The following IQGAP1 variants were observed in gnomAD, a reference collection of about 807,000 sequenced individuals.
IQGAP1 encodes IQ motif containing GTPase activating protein 1, also known as ras GTPase-activating-like protein IQGAP1.
Under a neutral mutation model 215.6 loss-of-function variants are expected in IQGAP1, and 66 were observed. The observed-to-expected ratio is 0.31, with a 90% CI of 0.25 to 0.38. IQGAP1 has a LOEUF of 0.38. Ranked by LOEUF, IQGAP1 falls within the 10% of genes least tolerant of loss-of-function variation. The probability of loss-of-function intolerance (pLI) is 1.00; values close to 1 mark genes in which losing one functional copy is unlikely to be tolerated. For synonymous variants in IQGAP1, 772 were observed against 728.7 expected, an observed-to-expected ratio of 1.06 and a Z score of -0.96; for missense variants, 1,712 against 1,997.1, an observed-to-expected ratio of 0.86 and a Z score of 2.72.
In IQGAP1 at chr15:90,472,831, C is replaced by A; in HGVS notation, c.2179-9C>A. The A allele has an allele frequency of 6.3e-7, 1 of 1,596,242 alleles. No homozygotes were observed. Among genetic ancestry groups the A allele is most frequent in the Non-Finnish European group, 8.6e-7 (1 of 1,169,252 alleles). On this transcript the variant is annotated splice_polypyrimidine_tract_variant and intron_variant, in intron 18 of 37. Coordinates refer to ENST00000268182, the MANE Select transcript of IQGAP1 (RefSeq NM_003870.4). ...TGAATGTCTTTGAATGTGACCACTG[C>A]TTTTTCAGAGTTCTATCTCTGGGGT...
chr15:90,427,549 G>A (rs2283441), intron 3 of IQGAP1, among the ~76,000 whole-genome samples: 30,144 of 151,954 alleles, frequency 0.2, 3,155 homozygotes, highest in African/African-American at 0.24. Context: ...AGACAAACCC[G>A]GCCAACTTGG....
At chr15:90,399,244 C>T (rs1214642694) in intron 2 of IQGAP1, among the ~76,000 whole-genome samples, 1 of 152,044 alleles carries the variant, frequency 6.6e-6, no homozygotes, top group South Asian at 2.1e-4. Flanking sequence ...AGCAGCCACA[C>T]CTGGCCTGTA....
intron 15 of IQGAP1, among the ~76,000 whole-genome samples, chr15:90,462,539 A>G (rs1346415955): frequency 6.6e-6 from 1 of 152,210 alleles, no homozygotes; most frequent in Admixed American, 6.5e-5. Flanking sequence ...ATATATTTAT[A>G]TATGTAATAT....
At chr15:90,397,888 C>CT (rs763133807) in intron 2 of IQGAP1, 31 of 44,364 alleles carry the variant, frequency 7.0e-4, no homozygotes, top group East Asian at 1.1e-3. Context: ...TTTTTTTTTT[C>CT]TTTTTTTTTT....
chr15:90,421,474 T>C (rs1965135409), intron 2 of IQGAP1, among the ~76,000 whole-genome samples: 1 of 131,656 alleles, frequency 7.6e-6, no homozygotes, highest in Non-Finnish European at 1.6e-5. Flanking sequence ...AGACTCCGTT[T>C]CAAAAAAAAA....
intron 2 of IQGAP1, among the ~76,000 whole-genome samples, chr15:90,417,729 G>C (rs1965073335): frequency 6.6e-6 from 1 of 152,180 alleles, no homozygotes; most frequent in South Asian, 2.1e-4. Flanking sequence ...CTTTAAAGTA[G>C]TTTTTTCCAA....
chr15:90,466,115 T>C, intron 16 of IQGAP1, 24 bp downstream of exon 16: 1 of 1,610,264 alleles, frequency 6.2e-7, no homozygotes, highest in East Asian at 2.2e-5. Flanking sequence ...GTTTTATTTC[T>C]GTTTTGGTGG....
Position 90,482,212 on chromosome 15 carries a change from C to T in IQGAP1, c.3486C>T (p.Phe1162=). ...CATCCCGCAGTTATGGGATGCGCTT[C>T]ATTGCCAAAGTGCTGAAGGACTCGT... ...SVDKIPYGMR[F]IAKVLKDSLH... is the part of the protein sequence containing the mutation. Residue 1162 remains phenylalanine (F), a synonymous_variant, in exon 28 of 38, where the codon TTC becomes TTT. Transcript: ENST00000268182. 6.2e-7 allele frequency: 1 copy of T among 1,614,230 alleles called. No individual in the cohort carries two copies. The highest frequency in any genetic ancestry group is 8.5e-7 in the Non-Finnish European group (1 of 1,180,046).
intron 37 of IQGAP1, among the ~76,000 whole-genome samples, chr15:90,497,930 G>A (rs1363971796): frequency 2.0e-5 from 3 of 152,182 alleles, no homozygotes; most frequent in South Asian, 2.1e-4. Context: ...GTGTGGCACC[G>A]GTTAGTCTGC....
intron 19 of IQGAP1, 97 bp downstream of exon 19, chr15:90,473,107 G>T: frequency 8.8e-7 from 1 of 1,139,066 alleles, no homozygotes; most frequent in South Asian, 1.4e-5. Flanking sequence ...TGTGTTTTTT[G>T]AGTGCTGGAC....
intron 10 of IQGAP1, 131 bp from the exon 11 acceptor site, chr15:90,449,428 A>C: frequency 1.4e-6 from 1 of 700,338 alleles, no homozygotes; most frequent in East Asian, 3.0e-5. Flanking sequence ...CCTTGGCTGC[A>C]TGTAGCCTGA....
chr15:90,453,155 C>T lies in IQGAP1; in HGVS notation c.1350C>T (p.Leu450=). ...SPEHNLTHPE[L]SVAVEMLSSV... Reference sequence around the variant, plus strand: ...AGCATAATCTCACCCACCCAGAGCTCTCTGTCGCAGTGGAGATGTTGTCAT... The same window carrying T: ...AGCATAATCTCACCCACCCAGAGCTTTCTGTCGCAGTGGAGATGTTGTCAT... The change falls in exon 13 of 38, where the codon CTC becomes CTT. Residue 450 remains leucine (L), a synonymous_variant. Transcript: ENST00000268182. 1.9e-6 allele frequency: 3 copies of T among 1,613,404 alleles called. No homozygotes were observed. The highest frequency in any genetic ancestry group is 2.5e-6 in the Non-Finnish European group (3 of 1,179,674).
chr15:90,460,820 A>G (rs1336453067), intron 15 of IQGAP1, among the ~76,000 whole-genome samples: 1 of 151,774 alleles, frequency 6.6e-6, no homozygotes, highest in African/African-American at 2.4e-5. Context: ...GCAAGATGGT[A>G]AAACCCTGTC....
Position 90,400,000 on chromosome 15 carries a change from T to G in IQGAP1, c.155+9127T>G, listed in dbSNP as rs1015617281. 2.6e-5 allele frequency among the ~76,000 whole-genome samples: 4 copies of G among 152,200 alleles called. No homozygotes were observed. In the South Asian group the frequency reaches 8.3e-4, roughly 31 times the overall value. The stretch of plus-strand genomic sequence containing the variant: ...TGAAGCTAGCTTAATTTTAACTCTA[T>G]GACAAGTAACTTGATTTTTTTTTCC... On this transcript the variant is annotated intron_variant, in intron 2 of 37. Transcript: ENST00000268182.
At chr15:90,391,995 G>A (rs1427980672) in intron 2 of IQGAP1, 4 of 152,166 alleles carry the variant, frequency 2.6e-5, no homozygotes, top group Admixed American at 1.3e-4. Context: ...AGAAAGTCCA[G>A]AGAACAGTAC....
chr15:90,473,557 G>T, intron 19 of IQGAP1, 158 bp from the exon 20 acceptor site: 1 of 603,712 alleles, frequency 1.7e-6, no homozygotes, highest in Admixed American at 2.8e-5. Flanking sequence ...GTGGAGGGAT[G>T]GCCCGTGCCC....
intron 7 of IQGAP1, 95 bp from the exon 8 acceptor site, chr15:90,441,411 G>A: frequency 1.9e-6 from 2 of 1,045,110 alleles, no homozygotes; most frequent in South Asian, 3.2e-5. Flanking sequence ...TGTCTCTAAT[G>A]GGGGGTGCAA....
At chr15:90,467,372 A>C in intron 17 of IQGAP1, 78 bp from the exon 18 acceptor site, 1 of 1,418,466 alleles carries the variant, frequency 7.0e-7, no homozygotes, top group Non-Finnish European at 9.5e-7. Context: ...GAGACTAACT[A>C]ATAATCCTGC....
chr15:90,470,903 C>G (rs927028503), intron 18 of IQGAP1, among the ~76,000 whole-genome samples: 1 of 152,118 alleles, frequency 6.6e-6, no homozygotes, highest in African/African-American at 2.4e-5. Context: ...TTCTTAATCT[C>G]TCTTGCTACC....
Sources: gnomAD v4.1 joint callset for allele counts (sites outside exome capture counted in the v4.1 genomes callset) on GRCh38, gnomAD v4.1.1 for gene constraint, MANE v1.5 for transcripts, NCBI Gene and HGNC (gene_info 2026-07-23, HGNC 2026-07-21) for gene names.